Variants in ERBB4 observed in about 807,000 individuals in gnomAD.
ERBB4 encodes the protein erb-b2 receptor tyrosine kinase 4.
A neutral mutation model predicts 158.0 loss-of-function variants in ERBB4; 42 were observed. The observed-to-expected ratio is 0.27, with a 90% CI of 0.21 to 0.34. The LOEUF (loss-of-function observed/expected upper bound fraction) is 0.34, where lower values mean the gene tolerates loss of function less well. Among genes scored for constraint, ERBB4 ranks in the 10% least tolerant of loss-of-function variants. ERBB4 has a pLI of 1.00. For missense variants in ERBB4, 1,333 were observed against 1,624.1 expected, an observed-to-expected ratio of 0.82 and a Z score of 3.08; for synonymous variants, 583 against 558.7, an observed-to-expected ratio of 1.04 and a Z score of -0.61.
intron 3 of ERBB4, among the ~76,000 whole-genome samples, chr2:211,885,710 T>G (rs1347258486): frequency 6.6e-6 from 1 of 152,182 alleles, no homozygotes; most frequent in Non-Finnish European, 1.5e-5. Context: ...TCTGCCCGCC[T>G]TGGCCTCCCA....
intron 17 of ERBB4, among the ~76,000 whole-genome samples, chr2:211,628,803 C>A (rs551703388): frequency 6.6e-6 from 1 of 152,278 alleles, no homozygotes; most frequent in South Asian, 2.1e-4. Context: ...AAAAGTGTTC[C>A]TATTTCTCCA....
intron 1 of ERBB4, among the ~76,000 whole-genome samples, chr2:212,496,557 C>A (rs1362828951): frequency 2.6e-5 from 4 of 152,154 alleles, no homozygotes; most frequent in South Asian, 4.1e-4. Context: ...TATTTTTTAA[C>A]CTTTCCTAAC....
At chr2:212,078,951 CTTA>C (rs1192965250) in intron 2 of ERBB4, among the ~76,000 whole-genome samples, 1 of 150,794 alleles carries the variant, frequency 6.6e-6, no homozygotes, top group Non-Finnish European at 1.5e-5. Flanking sequence ...TTTTTAATAA[CTTA>C]TTTTTTCACT....
chr2:211,540,882 A>G (rs1422974801), intron 20 of ERBB4, among the ~76,000 whole-genome samples: 1 of 151,994 alleles, frequency 6.6e-6, no homozygotes, highest in Non-Finnish European at 1.5e-5. Flanking sequence ...ACCATAGGCT[A>G]ATTGATATAA....
chr2:211,580,825 T>TAG, intron 19 of ERBB4, among the ~76,000 whole-genome samples: 1 of 12,542 alleles, frequency 8.0e-5, no homozygotes, highest in African/African-American at 1.2e-4. Context: ...ATATATATAT[T>TAG]ATATATATAG....
chr2:212,122,492 T>C lies in ERBB4; in HGVS notation c.234+2260A>G, dbSNP rs191906932. Among the ~76,000 whole-genome samples, 15 of 152,260 alleles carry C rather than the reference T, an allele frequency of 9.9e-5. No individual in the cohort carries two copies. In the East Asian group the frequency reaches 2.9e-3, roughly 29 times the overall value. On this transcript the variant is annotated intron_variant, in intron 2 of 27. Transcript: ENST00000342788. ...CACATGGATTAGTACAAAGTTTAGA[T>C]GAACTTTTAGAGATGCTAGTTAGGA...
chr2:211,423,907 T>C (rs2063564872), intron 23 of ERBB4, among the ~76,000 whole-genome samples: 1 of 151,944 alleles, frequency 6.6e-6, no homozygotes, highest in Admixed American at 6.6e-5. Context: ...TACCTCTCTT[T>C]ACGACAGGCA....
intron 1 of ERBB4, among the ~76,000 whole-genome samples, chr2:212,372,108 T>A (rs900379963): frequency 2.0e-4 from 30 of 152,152 alleles, no homozygotes; most frequent in African/African-American, 6.8e-4. Context: ...AAGTTTGAAC[T>A]AAGTCCTCCA....
chr2:211,498,065 G>T (rs2065517952), intron 20 of ERBB4, among the ~76,000 whole-genome samples: 1 of 152,068 alleles, frequency 6.6e-6, no homozygotes, highest in South Asian at 2.1e-4. Context: ...TAAAGAAGAT[G>T]CCAGCACTCC....
chr2:212,515,783 AC>A, intron 1 of ERBB4, among the ~76,000 whole-genome samples: 1 of 152,168 alleles, frequency 6.6e-6, no homozygotes, highest in Non-Finnish European at 1.5e-5. Flanking sequence ...AGGGTAATGA[AC>A]CATTAAATAC....
intron 2 of ERBB4, among the ~76,000 whole-genome samples, chr2:212,083,666 C>G (rs1559466109): frequency 6.6e-6 from 1 of 151,574 alleles, no homozygotes; most frequent in South Asian, 2.1e-4. Flanking sequence ...GCCAGACAAA[C>G]CTGGCAAAAT....
At chr2:212,102,248 C>T (rs1003211880) in intron 2 of ERBB4, among the ~76,000 whole-genome samples, 5 of 151,512 alleles carry the variant, frequency 3.3e-5, no homozygotes, top group Admixed American at 6.6e-5. Flanking sequence ...TTTAACAACT[C>T]ATTTATCTAT....
chr2:212,044,256 A>G (rs1360024902), intron 2 of ERBB4, among the ~76,000 whole-genome samples: 1 of 152,164 alleles, frequency 6.6e-6, no homozygotes, highest in African/African-American at 2.4e-5. Context: ...TTTCAAGCAT[A>G]TATAAAAGTT....
chr2:211,535,538 A>T (rs1229042798), intron 20 of ERBB4: 1 of 151,698 alleles, frequency 6.6e-6, no homozygotes, highest in South Asian at 2.1e-4. Context: ...TATTCTCTCT[A>T]GTGCTGCTGG....
chr2:211,392,558 C>CCGCGCA (rs767854845), intron 25 of ERBB4, among the ~76,000 whole-genome samples: 4 of 141,012 alleles, frequency 2.8e-5, no homozygotes, highest in East Asian at 4.2e-4. Flanking sequence ...CTCTCTTACT[C>CCGCGCA]CACACACACA....
At position 212,510,205 on chromosome 2, in the gene ERBB4, GTATATA is replaced by G. The variant is rs10556403; in HGVS notation, c.82+28238_82+28243del. ...AAACACCTTCCATCCTAACCACACA[GTATATA>G]TATATATATATATATATATATAACT... On this transcript the variant is annotated intron_variant, in intron 1 of 27. Transcript: ENST00000342788. 4.5e-3 allele frequency among the ~76,000 whole-genome samples: 586 copies of G among 130,440 alleles called. 9 individuals carry two copies. Among genetic ancestry groups the G allele is most frequent in the South Asian group, 4.9e-3 (20 of 4,044 alleles). 85.6% of individuals were successfully genotyped at this position (130,440 alleles called of 152,430 possible). A position where few individuals can be genotyped will look rare whatever the true frequency, so the allele number is the denominator to read the frequency against.
intron 3 of ERBB4, among the ~76,000 whole-genome samples, chr2:211,928,271 C>T (rs1027681920): frequency 2.6e-5 from 4 of 152,006 alleles, no homozygotes; most frequent in African/African-American, 7.2e-5. Flanking sequence ...GAATTTCCCC[C>T]GAGAATAATC....
At chr2:212,499,014 T>C (rs1690735676) in intron 1 of ERBB4, among the ~76,000 whole-genome samples, 2 of 151,940 alleles carry the variant, frequency 1.3e-5, no homozygotes, top group Non-Finnish European at 2.9e-5. Context: ...TATTTAAAGA[T>C]CTTCATATAA....
chr2:212,010,997 T>C (rs957553123), intron 2 of ERBB4, among the ~76,000 whole-genome samples: 1 of 152,204 alleles, frequency 6.6e-6, no homozygotes, highest in African/African-American at 2.4e-5. Flanking sequence ...ACCTTATGGT[T>C]GTCTTCCCTT....
Sources: allele counts gnomAD v4.1 joint callset (sites outside exome capture counted in the v4.1 genomes callset), GRCh38; gene constraint gnomAD v4.1.1; transcripts MANE v1.5; gene names NCBI Gene and HGNC (gene_info 2026-07-23, HGNC 2026-07-21).